FAM193B: variants seen among roughly 807,000 people sequenced by gnomAD.
FAM193B encodes the protein family with sequence similarity 193 member B.
Under a neutral mutation model 70.7 loss-of-function variants are expected in FAM193B, and 27 were observed. That is an observed-to-expected ratio of 0.38 (90% CI 0.28 to 0.53). The LOEUF is 0.53. Among genes scored for constraint, FAM193B ranks in the 20% least tolerant of loss-of-function variants. The pLI is 0.81. For missense variants in FAM193B, 1,022 were observed against 1,072.5 expected, an observed-to-expected ratio of 0.95 and a Z score of 0.66; for synonymous variants, 448 against 436.0, an observed-to-expected ratio of 1.03 and a Z score of -0.34.
At chr5:177,544,057 GAAGAAAA>G (rs1176835043) in intron 1 of FAM193B, among the ~76,000 whole-genome samples, 2 of 152,234 alleles carry the variant, frequency 1.3e-5, no homozygotes, top group East Asian at 3.8e-4. Context: ...AAAGATGAGG[GAAGAAAA>G]GTTCTGGGGG....
At chr5:177,533,611 A>G (rs564718228) in intron 4 of FAM193B, among the ~76,000 whole-genome samples, 4 of 152,236 alleles carry the variant, frequency 2.6e-5, no homozygotes, top group Admixed American at 2.6e-4. Flanking sequence ...CGGCCTTGGC[A>G]TATTATTTCT....
chr5:177,520,338 G>C (rs754305681), intron 8 of FAM193B, among the ~76,000 whole-genome samples, 157 bp from the exon 9 acceptor site: 10 of 152,228 alleles, frequency 6.6e-5, no homozygotes, highest in Non-Finnish European at 1.3e-4. Flanking sequence ...TGGATCACCT[G>C]TAGCAGAGGA....
rs907634924 is a variant in FAM193B at position 177,544,372 on chromosome 5, G to A, written c.211-5225C>T. The stretch of plus-strand genomic sequence containing the variant: ...GCATTCTAGTTTTTCCTGGATAAAA[G>A]AGAGATAAAATCAAAGGAAGAGGAA... On this transcript the variant is annotated intron_variant, in intron 1 of 8. Coordinates refer to ENST00000514747, the MANE Select transcript of FAM193B (RefSeq NM_001190946.3). Among the ~76,000 whole-genome samples the A allele has an allele frequency of 2.6e-5, 4 of 152,188 alleles. No homozygotes were observed. In the East Asian group the frequency reaches 7.7e-4, roughly 29 times the overall value.
At chr5:177,531,323 C>T (rs763954713) in intron 5 of FAM193B, 48 of 1,354,464 alleles carry the variant, frequency 3.5e-5, no homozygotes, top group Middle Eastern at 2.1e-4. Context: ...GCGGCCCTGG[C>T]GCTGTTGGGG....
At chr5:177,522,959 A>C in intron 7 of FAM193B, 1 of 157,578 alleles carries the variant, frequency 6.3e-6, no homozygotes, top group Non-Finnish European at 1.4e-5. Flanking sequence ...AAGTACCTCA[A>C]GTGATCCGCC....
chr5:177,532,073 G>A lies in FAM193B; in HGVS notation c.1275+370C>T. On this transcript the variant is annotated intron_variant, in intron 5 of 8. Coordinates refer to ENST00000514747, the MANE Select transcript of FAM193B (RefSeq NM_001190946.3). The surrounding 1 kb of genome is among the most constrained non-coding windows in gnomAD (Gnocchi z 4.9). ...GTCCCTCGGCTGGCTGTCACACTTGGGGGACTGAGAGCCTTTTTGCTTCCA... is the reference window on the plus strand; with the variant it reads ...GTCCCTCGGCTGGCTGTCACACTTGAGGGACTGAGAGCCTTTTTGCTTCCA... The A allele has an allele frequency of 1.5e-6, 2 of 1,297,404 alleles. No homozygotes were observed. Among genetic ancestry groups the A allele is most frequent in the Non-Finnish European group, 2.0e-6 (2 of 994,536 alleles). The allele number at this position is 1,297,404 out of a possible 1,614,324, so 80.4% of individuals were successfully genotyped here.
chr5:177,545,658 C>CA lies in FAM193B; in HGVS notation c.211-6512dup, dbSNP rs35116415. 2.8e-3 allele frequency among the ~76,000 whole-genome samples: 338 copies of CA among 119,044 alleles called. 3 individuals are homozygous for CA. The highest frequency in any genetic ancestry group is 6.6e-3 in the African/African-American group (211 of 31,864). The allele number at this position is 119,044 out of a possible 152,430, so 78.1% of individuals were successfully genotyped here. On this transcript the variant is annotated intron_variant, in intron 1 of 8. Coordinates refer to ENST00000514747, the MANE Select transcript of FAM193B (RefSeq NM_001190946.3). ...ACTGGGTAACAGTGAGAGCCTGTCT[C>CA]AAAAAAAAAAAAAAAAAAAGATAGC...
rs563711673 is a variant in FAM193B at position 177,545,486 on chromosome 5, T to A, written c.211-6339A>T. Among the ~76,000 whole-genome samples the A allele has an allele frequency of 1.4e-3, 208 of 152,338 alleles. 1 individual carries two copies. The highest frequency in any genetic ancestry group is 2.3e-3 in the Non-Finnish European group (157 of 68,028). The stretch of plus-strand genomic sequence containing the variant: ...CAGCTTTAATATTTAATTTGGTAAG[T>A]ATCAATAGATATAAACAACACAAAC... On this transcript the variant is annotated intron_variant, in intron 1 of 8. Transcript: ENST00000514747.
At chr5:177,553,122 A>G in intron 1 of FAM193B, 1 of 973,906 alleles carries the variant, frequency 1.0e-6, no homozygotes, top group Non-Finnish European at 1.2e-6. Context: ...TGGGGAGGTC[A>G]GGGGAGGCTT....
intron 1 of FAM193B, among the ~76,000 whole-genome samples, chr5:177,545,205 GA>G (rs1765268952): frequency 6.6e-6 from 1 of 152,058 alleles, no homozygotes; most frequent in Non-Finnish European, 1.5e-5. Context: ...CAATACGCCT[GA>G]CTAATTTTTA....
At chr5:177,534,168 C>T (rs1389783251) in intron 4 of FAM193B, among the ~76,000 whole-genome samples, 3 of 152,066 alleles carry the variant, frequency 2.0e-5, no homozygotes, top group African/African-American at 7.2e-5. Context: ...CTCTCTGCTG[C>T]TAGAAAGGAT....
At position 177,554,302 on chromosome 5, in the gene FAM193B, C is replaced by A; in HGVS notation, c.157G>T (p.Asp53Tyr). The A allele has an allele frequency of 7.4e-7, 1 of 1,358,236 alleles. No individual in the cohort carries two copies. The highest frequency in any genetic ancestry group is 9.5e-7 in the Non-Finnish European group (1 of 1,048,300). 84.1% of individuals were successfully genotyped at this position (1,358,236 alleles called of 1,614,324 possible). A position where few individuals can be genotyped will look rare whatever the true frequency, so the allele number is the denominator to read the frequency against. Reference protein sequence around the residue: ...AGPPEAPAEPDHDGPREDDEP... With the variant: ...AGPPEAPAEPYHDGPREDDEP... ...TCATCCTCCCTGGGGCCGTCGTGGT[C>A]GGGCTCCGCCGGCGCCTCCGGAGGG... The change falls in exon 1 of 9, where the codon GAC becomes TAC. Residue 53 changes from aspartate to tyrosine, a missense_variant. Physicochemically the swap from Asp to Tyr is radical, Grantham distance 160. Transcript: ENST00000514747.
intron 1 of FAM193B, among the ~76,000 whole-genome samples, chr5:177,539,965 G>C (rs977177292): frequency 6.6e-6 from 1 of 151,848 alleles, no homozygotes; most frequent in Admixed American, 6.6e-5. Context: ...GCCCAATACA[G>C]TCATTATTTG....
intron 1 of FAM193B, chr5:177,552,131 T>A: frequency 1.1e-6 from 1 of 911,230 alleles, no homozygotes; most frequent in Non-Finnish European, 1.3e-6. Context: ...TGTTTCTTCA[T>A]CTGAAAAATG....
chr5:177,554,340 C>G lies in FAM193B; in HGVS notation c.119G>C (p.Gly40Ala). 1.6e-6 allele frequency: 2 copies of G among 1,255,992 alleles called. No individual in the cohort carries two copies. Among genetic ancestry groups the G allele is most frequent in the Non-Finnish European group, 1.0e-6 (1 of 999,470 alleles). The allele number at this position is 1,255,992 out of a possible 1,614,324, so 77.8% of individuals were successfully genotyped here. A position where few individuals can be genotyped will look rare whatever the true frequency, so the allele number is the denominator to read the frequency against. Reference protein sequence around the residue: ...EPPPPPSLEAGAGAGPPEAPA... With the variant: ...EPPPPPSLEAAAGAGPPEAPA... The stretch of plus-strand genomic sequence containing the variant: ...CGCCTCCGGAGGGCCTGCACCCGCT[C>G]CCGCCTCCAGGCTTGGCGGCGGCGG... Residue 40 changes from glycine to alanine, a missense_variant, in exon 1 of 9, where the codon GGA becomes GCA. Gly to Ala is a moderately conservative substitution (Grantham distance 60). Coordinates refer to ENST00000514747, the MANE Select transcript of FAM193B (RefSeq NM_001190946.3).
intron 4 of FAM193B, among the ~76,000 whole-genome samples, chr5:177,533,328 G>C (rs1189918993): frequency 6.7e-6 from 1 of 149,738 alleles, no homozygotes; most frequent in East Asian, 1.9e-4. Context: ...TTTTTGAGAC[G>C]GAGTCTTGCT....
In FAM193B at chr5:177,536,611, G is replaced by A. The variant is rs1472342418; in HGVS notation, c.823C>T (p.Pro275Ser). 6.4e-7 allele frequency: 1 copy of A among 1,557,262 alleles called. No homozygotes were observed. Among genetic ancestry groups the A allele is most frequent in the South Asian group, 1.2e-5 (1 of 82,794 alleles). ...GCCGGGGTGGTGGGCAGCAGGTGTG[G>A]GTGGGGTGGGGAGCCAAAGGAGCTG... ...HPSSFGSPPH[P>S]HLLPTTPAAP... The change falls in exon 4 of 9, where the codon CCA becomes TCA. Residue 275 changes from proline to serine, a missense_variant. Pro to Ser is a moderately conservative substitution (Grantham distance 74, BLOSUM62 -1). Coordinates refer to ENST00000514747, the MANE Select transcript of FAM193B (RefSeq NM_001190946.3).
intron 8 of FAM193B, among the ~76,000 whole-genome samples, chr5:177,520,995 A>G (rs1428862338): frequency 6.6e-6 from 1 of 152,184 alleles, no homozygotes; most frequent in African/African-American, 2.4e-5. Flanking sequence ...CTGAGGGTCC[A>G]GGAAGTTTGC....
intron 7 of FAM193B, among the ~76,000 whole-genome samples, chr5:177,522,542 A>G (rs961872430): frequency 6.6e-6 from 1 of 151,988 alleles, no homozygotes; most frequent in Non-Finnish European, 1.5e-5. Context: ...GTCTCACTAT[A>G]TTGCCCAGGC....
Sources: gnomAD v4.1 joint callset for allele counts (sites outside exome capture counted in the v4.1 genomes callset) on GRCh38, gnomAD v4.1.1 for gene constraint, Gnocchi (gnomAD v3.1) non-coding constraint, MANE v1.5 for transcripts, NCBI Gene and HGNC (gene_info 2026-07-23, HGNC 2026-07-21) for gene names.